FHIP1A: variants seen among roughly 807,000 people sequenced by gnomAD.
FHIP1A encodes FHF complex subunit HOOK interacting protein 1A.
FHIP1A carries 61 observed loss-of-function variants against 88.6 expected under a neutral mutation model. The ratio of observed to expected loss-of-function variants is 0.69; its 90% CI spans 0.56 to 0.85. The LOEUF is 0.85. FHIP1A is among the 40% of genes least tolerant of loss of function. FHIP1A has a pLI of 0.00. For synonymous variants in FHIP1A, 478 were observed against 496.0 expected, an observed-to-expected ratio of 0.96 and a Z score of 0.48; for missense variants, 1,154 against 1,273.5, an observed-to-expected ratio of 0.91 and a Z score of 1.43.
At chr4:151,583,612 A>G (rs1293177271) in intron 5 of FHIP1A, among the ~76,000 whole-genome samples, 2 of 152,242 alleles carry the variant, frequency 1.3e-5, no homozygotes, top group African/African-American at 4.8e-5. Context: ...TAGTCAGACA[A>G]ATTAAGCCTG....
chr4:151,588,569 A>T (rs1400707211), intron 6 of FHIP1A, among the ~76,000 whole-genome samples: 2 of 152,050 alleles, frequency 1.3e-5, no homozygotes, highest in African/African-American at 4.8e-5. Flanking sequence ...CAGTCTATTT[A>T]TTGTCTTTTT....
At chr4:151,444,841 T>A (rs1728534549) in intron 1 of FHIP1A, among the ~76,000 whole-genome samples, 1 of 152,196 alleles carries the variant, frequency 6.6e-6, no homozygotes, top group African/African-American at 2.4e-5. Context: ...AAAAGAGGAT[T>A]ACAATTTTTT....
intron 5 of FHIP1A, 73 bp downstream of exon 5, chr4:151,578,149 C>T: frequency 7.5e-7 from 1 of 1,338,410 alleles, no homozygotes; most frequent in Non-Finnish European, 1.0e-6. Context: ...TGAATACTTT[C>T]TTACTCCCTT....
intron 7 of FHIP1A, among the ~76,000 whole-genome samples, chr4:151,604,703 G>T (rs1229345697): frequency 6.6e-6 from 1 of 151,928 alleles, no homozygotes; most frequent in Non-Finnish European, 1.5e-5. Flanking sequence ...ACAAAAATTA[G>T]CTGGGCATGG....
chr4:151,648,147 C>T (rs139772179), intron 10 of FHIP1A, among the ~76,000 whole-genome samples: 162 of 152,198 alleles, frequency 1.1e-3, no homozygotes, highest in African/African-American at 3.7e-3. Context: ...AGTAGCAGAG[C>T]CAAGACTTAG....
intron 2 of FHIP1A, among the ~76,000 whole-genome samples, chr4:151,469,232 G>C (rs2126613771): frequency 6.6e-6 from 1 of 152,282 alleles, no homozygotes; most frequent in South Asian, 2.1e-4. Context: ...ATATTAGCTT[G>C]TCTTGTCTAC....
chr4:151,412,061 T>G (rs1732670273), intron 1 of FHIP1A, among the ~76,000 whole-genome samples: 1 of 152,246 alleles, frequency 6.6e-6, no homozygotes, highest in African/African-American at 2.4e-5. Flanking sequence ...TAGATGCCAT[T>G]GTGTTTAGAT....
chr4:151,457,989 C>A (rs150134620), intron 2 of FHIP1A, among the ~76,000 whole-genome samples: 201 of 152,306 alleles, frequency 1.3e-3, no homozygotes, highest in East Asian at 0.011. Context: ...GTAGAGTAGT[C>A]ATGTAATGAT....
At chr4:151,528,085 C>A (rs1017318664) in intron 3 of FHIP1A, among the ~76,000 whole-genome samples, 7 of 152,170 alleles carry the variant, frequency 4.6e-5, no homozygotes, top group African/African-American at 1.7e-4. Context: ...CTGCTTCTCC[C>A]CACCTCTGTG....
intron 2 of FHIP1A, among the ~76,000 whole-genome samples, chr4:151,455,340 GC>G (rs889530156): frequency 2.6e-5 from 4 of 152,104 alleles, no homozygotes; most frequent in Non-Finnish European, 2.9e-5. Flanking sequence ...TAAAAACCTT[GC>G]CAATGCTTTA....
intron 3 of FHIP1A, among the ~76,000 whole-genome samples, chr4:151,525,594 GC>G (rs1179186721): frequency 6.6e-6 from 1 of 152,190 alleles, no homozygotes; most frequent in Non-Finnish European, 1.5e-5. Flanking sequence ...AGAGGTGTTT[GC>G]CATTTGTTGA....
chr4:151,457,147 AAC>A (rs1165904860), intron 2 of FHIP1A, among the ~76,000 whole-genome samples: 1 of 152,158 alleles, frequency 6.6e-6, no homozygotes, highest in Admixed American at 6.5e-5. Context: ...TGGTAATTTT[AAC>A]AGTTTTTTTC....
chr4:151,436,814 C>T (rs951911249), intron 1 of FHIP1A, among the ~76,000 whole-genome samples: 1 of 152,058 alleles, frequency 6.6e-6, no homozygotes, highest in Middle Eastern at 3.4e-3. Context: ...GTAGAAATAC[C>T]AGCATCCAGT....
At chr4:151,561,931 C>T (rs1733188366) in intron 3 of FHIP1A, among the ~76,000 whole-genome samples, 1 of 152,046 alleles carries the variant, frequency 6.6e-6, no homozygotes, top group Non-Finnish European at 1.5e-5. Flanking sequence ...TACCCCTCTC[C>T]AATTGGTATA....
At position 151,524,406 on chromosome 4, in the gene FHIP1A, G is replaced by A. The variant is rs1731557463; in HGVS notation, c.-122-41732G>A. 2.6e-5 allele frequency among the ~76,000 whole-genome samples: 4 copies of A among 152,116 alleles called. No individual in the cohort carries two copies. The South Asian group carries it at 8.3e-4, about 32-fold the overall frequency. ...GCTGAAATCCAGTGGTCAAACCTCAGCATCTTCATTTTATAGAGAAGTCAG... is the reference window on the plus strand; with the variant it reads ...GCTGAAATCCAGTGGTCAAACCTCAACATCTTCATTTTATAGAGAAGTCAG... On this transcript the variant is annotated intron_variant, in intron 3 of 13. Transcript: ENST00000435205.
chr4:151,592,628 A>G (rs1734482698), intron 7 of FHIP1A, among the ~76,000 whole-genome samples: 1 of 151,856 alleles, frequency 6.6e-6, no homozygotes, highest in Non-Finnish European at 1.5e-5. Flanking sequence ...TTTCTTGTAA[A>G]TTTGTTTAAG....
intron 7 of FHIP1A, among the ~76,000 whole-genome samples, chr4:151,611,559 C>G (rs978385377): frequency 1.3e-5 from 2 of 152,142 alleles, no homozygotes; most frequent in African/African-American, 4.8e-5. Context: ...TATATCATTG[C>G]TATGGTTATT....
intron 11 of FHIP1A, among the ~76,000 whole-genome samples, chr4:151,655,184 C>T (rs1405088532): frequency 2.0e-5 from 3 of 152,234 alleles, no homozygotes; most frequent in Admixed American, 6.5e-5. Flanking sequence ...TGTGTGCTTT[C>T]GTTGTAAACA....
chr4:151,543,768 T>A (rs1026642233), intron 3 of FHIP1A, among the ~76,000 whole-genome samples: 1 of 152,256 alleles, frequency 6.6e-6, no homozygotes, highest in African/African-American at 2.4e-5. Flanking sequence ...TTTAATTTGT[T>A]ATTTAGACTG....
Sources: allele counts gnomAD v4.1 joint callset (sites outside exome capture counted in the v4.1 genomes callset), GRCh38; gene constraint gnomAD v4.1.1; transcripts MANE v1.5; gene names NCBI Gene and HGNC (gene_info 2026-07-23, HGNC 2026-07-21).